Variants in GDPD4 observed in about 807,000 individuals in gnomAD.
GDPD4 encodes glycerophosphodiester phosphodiesterase 6.
A neutral mutation model predicts 67.8 loss-of-function variants in GDPD4; 60 were observed. That is an observed-to-expected ratio of 0.88 (90% confidence interval 0.72 to 1.10). The LOEUF is 1.10. GDPD4 is among the 50% of genes least tolerant of loss of function. The probability of loss-of-function intolerance (pLI) is 0.00; values close to 1 mark genes in which losing one functional copy is unlikely to be tolerated. For synonymous variants in GDPD4, 212 were observed against 210.9 expected, an observed-to-expected ratio of 1.00 and a Z score of -0.04; for missense variants, 623 against 613.9, an observed-to-expected ratio of 1.01 and a Z score of -0.16.
chr11:77,236,182 T>A (rs1727161912), intron 13 of GDPD4, among the ~76,000 whole-genome samples: 1 of 152,176 alleles, frequency 6.6e-6, no homozygotes. Flanking sequence ...TTAACCTTTT[T>A]TCCTCCCTTT....
intron 11 of GDPD4, among the ~76,000 whole-genome samples, chr11:77,256,700 A>G (rs1959009104): frequency 6.6e-6 from 1 of 152,132 alleles, no homozygotes; most frequent in Admixed American, 6.6e-5. Flanking sequence ...TTCTCATTCT[A>G]TTAGTTCAAG....
chr11:77,229,733 T>C (rs1958419103), intron 14 of GDPD4, among the ~76,000 whole-genome samples: 1 of 152,264 alleles, frequency 6.6e-6, no homozygotes, highest in African/African-American at 2.4e-5. Context: ...GCCATGTGTC[T>C]GTAAGCCAGC....
intron 11 of GDPD4, among the ~76,000 whole-genome samples, chr11:77,250,958 TA>T (rs1958882379): frequency 6.6e-6 from 1 of 152,198 alleles, no homozygotes; most frequent in Non-Finnish European, 1.5e-5. Context: ...TTATCTGATG[TA>T]AATATAGCTA....
intron 13 of GDPD4, among the ~76,000 whole-genome samples, chr11:77,235,052 A>T (rs1958534795): frequency 2.7e-5 from 2 of 73,164 alleles, no homozygotes; most frequent in Admixed American, 1.7e-4. Context: ...TTTTAGTAAT[A>T]GCCATTCTGA....
At chr11:77,283,296 C>T (rs1959841300) in intron 3 of GDPD4, among the ~76,000 whole-genome samples, 1 of 152,188 alleles carries the variant, frequency 6.6e-6, no homozygotes, top group Admixed American at 6.5e-5. Flanking sequence ...TTGACTGAGG[C>T]ACTGTCTAAT....
At chr11:77,288,131 C>A (rs541730790) in intron 1 of GDPD4, among the ~76,000 whole-genome samples, 1 of 152,310 alleles carries the variant, frequency 6.6e-6, no homozygotes, top group South Asian at 2.1e-4. Context: ...CCTACCCACA[C>A]ATGCCAGCTG....
intron 16 of GDPD4, among the ~76,000 whole-genome samples, chr11:77,222,135 G>A (rs981407447): frequency 6.6e-6 from 1 of 152,048 alleles, no homozygotes; most frequent in East Asian, 1.9e-4. Flanking sequence ...TTGAGATGGG[G>A]CTCCTGAATA....
Position 77,283,113 on chromosome 11 carries a change from A to ATGGGG in GDPD4, c.53+1967_53+1971dup, listed in dbSNP as rs1354628456. 2.0e-5 allele frequency among the ~76,000 whole-genome samples: 3 copies of ATGGGG among 152,192 alleles called. No individual in the cohort carries two copies. The East Asian group carries it at 5.8e-4, about 29-fold the overall frequency. Reference sequence around the variant, plus strand: ...ACATCCTGGCAGACGAAGATCACAAATGGGGGATGGCTGCAAGGATGATCA... The same window carrying ATGGGG: ...ACATCCTGGCAGACGAAGATCACAAATGGGGTGGGGGATGGCTGCAAGGATGATCA... On this transcript the variant is annotated intron_variant, in intron 3 of 16. Transcript: ENST00000315938.
chr11:77,274,648 T>C (rs1276210995), intron 5 of GDPD4, among the ~76,000 whole-genome samples: 6 of 152,196 alleles, frequency 3.9e-5, no homozygotes, highest in Non-Finnish European at 8.8e-5. Context: ...TGAGACAAAA[T>C]AGACCTCTTT....
chr11:77,285,317 ACT>A (rs1293996765), intron 2 of GDPD4, 130 bp from the exon 3 acceptor site: 2 of 580,228 alleles, frequency 3.4e-6, no homozygotes, highest in Non-Finnish European at 6.1e-6. Context: ...TGGAGTGATC[ACT>A]CTCTTCTTTT....
intron 5 of GDPD4, among the ~76,000 whole-genome samples, chr11:77,275,933 A>G (rs893371097): frequency 6.6e-6 from 1 of 152,222 alleles, no homozygotes; most frequent in Non-Finnish European, 1.5e-5. Context: ...GTGAGAACAA[A>G]TAAGAGTTTG....
chr11:77,228,146 G>A (rs982349016), intron 15 of GDPD4, among the ~76,000 whole-genome samples: 7 of 152,010 alleles, frequency 4.6e-5, no homozygotes, highest in Admixed American at 2.0e-4. Flanking sequence ...TGAGGCAGGC[G>A]GATCACCTGA....
intron 11 of GDPD4, among the ~76,000 whole-genome samples, chr11:77,252,944 C>T (rs1329352367): frequency 6.6e-6 from 1 of 152,166 alleles, no homozygotes; most frequent in Non-Finnish European, 1.5e-5. Context: ...GAGGGGATCC[C>T]TCTTGGTGTC....
In GDPD4 at chr11:77,221,825, A is replaced by G. The variant is rs1351335133; in HGVS notation, c.1526-4511T>C. On this transcript the variant is annotated intron_variant, in intron 16 of 16. Coordinates refer to ENST00000315938, the MANE Select transcript of GDPD4 (RefSeq NM_182833.3). The stretch of plus-strand genomic sequence containing the variant: ...TCTCGTTGATCTGTCTAATATTGAC[A>G]GTGGGGTGTTAAAGTCTCCCATTAT... 3.4e-5 allele frequency among the ~76,000 whole-genome samples: 5 copies of G among 148,052 alleles called. No homozygotes were observed. The East Asian group carries it at 9.9e-4, about 29-fold the overall frequency.
chr11:77,271,051 C>A (rs990997427), intron 7 of GDPD4, 79 bp downstream of exon 7: 3 of 986,340 alleles, frequency 3.0e-6, no homozygotes, highest in Non-Finnish European at 4.7e-6. Flanking sequence ...AGTTCCCAAG[C>A]TTCTGTTTTC....
At chr11:77,261,891 T>A (rs1419786267) in intron 10 of GDPD4, among the ~76,000 whole-genome samples, 1 of 152,254 alleles carries the variant, frequency 6.6e-6, no homozygotes, top group Non-Finnish European at 1.5e-5. Flanking sequence ...CATAATGGTT[T>A]AAGCTCTTTG....
At chr11:77,251,031 T>G (rs1381187638) in intron 11 of GDPD4, among the ~76,000 whole-genome samples, 3 of 152,194 alleles carry the variant, frequency 2.0e-5, no homozygotes, top group South Asian at 4.1e-4. Flanking sequence ...TCTGTCTGTA[T>G]GTGTCTTTAC....
intron 1 of GDPD4, among the ~76,000 whole-genome samples, chr11:77,291,426 G>C (rs551234326): frequency 6.6e-6 from 1 of 152,316 alleles, no homozygotes; most frequent in East Asian, 1.9e-4. Context: ...CATACAGTTA[G>C]AGAGAAGGAA....
intron 13 of GDPD4, among the ~76,000 whole-genome samples, chr11:77,238,241 T>C (rs1017521449): frequency 3.9e-5 from 6 of 152,152 alleles, no homozygotes; most frequent in African/African-American, 9.7e-5. Context: ...AAGGTGGCAA[T>C]TGCACAACGA....
Sources: allele counts gnomAD v4.1 joint callset (sites outside exome capture counted in the v4.1 genomes callset), GRCh38; gene constraint gnomAD v4.1.1; transcripts MANE v1.5; gene names NCBI Gene and HGNC (gene_info 2026-07-23, HGNC 2026-07-21).